Variants in USP40 observed in about 807,000 individuals in gnomAD.
USP40 encodes the protein ubiquitin specific peptidase 40.
In USP40, 143 loss-of-function variants were observed where a neutral mutation model predicts 166.2. The observed-to-expected ratio is 0.86, with a 90% confidence interval of 0.75 to 0.99. The LOEUF (loss-of-function observed/expected upper bound fraction) is 0.99, where lower values mean the gene tolerates loss of function less well. USP40 is among the 50% of genes least tolerant of loss of function. The pLI, the probability that USP40 is intolerant of heterozygous loss-of-function variation, is 0.00. For missense variants in USP40, 1,444 were observed against 1,479.7 expected (o/e 0.98, Z 0.40); for synonymous variants, 498 against 524.0 (o/e 0.95, Z 0.68).
intron 18 of USP40, among the ~76,000 whole-genome samples, chr2:233,515,537 T>C (rs1022547722): frequency 6.6e-6 from 1 of 152,170 alleles, no homozygotes; most frequent in Non-Finnish European, 1.5e-5. Context: ...CTGTTCAAGA[T>C]TCTAAACCTG....
chr2:233,490,160 C>CA (rs1253405812), intron 26 of USP40, among the ~76,000 whole-genome samples: 10 of 131,680 alleles, frequency 7.6e-5, no homozygotes, highest in Admixed American at 7.0e-4. Context: ...TTCTTTTCTC[C>CA]TTTTTTTTTT....
chr2:233,498,471 A>G (rs1168196643), intron 23 of USP40, 77 bp downstream of exon 23: 2 of 1,282,390 alleles, frequency 1.6e-6, no homozygotes, highest in East Asian at 2.4e-5. Context: ...CTTTCTCATG[A>G]GTGGAATGGG....
At chr2:233,508,168 T>C (rs1020308241) in intron 21 of USP40, among the ~76,000 whole-genome samples, 2 of 152,178 alleles carry the variant, frequency 1.3e-5, no homozygotes, top group Non-Finnish European at 2.9e-5. Flanking sequence ...AAGATATTTT[T>C]AAAAACCTAA....
chr2:233,491,473 C>T (rs2065333955), intron 25 of USP40: 2 of 572,168 alleles, frequency 3.5e-6, no homozygotes, highest in African/African-American at 3.8e-5. Flanking sequence ...ACACTTATGC[C>T]CCTACCTTGA....
At chr2:233,526,161 AT>A (rs2068010248) in intron 13 of USP40, among the ~76,000 whole-genome samples, 1 of 152,174 alleles carries the variant, frequency 6.6e-6, no homozygotes. Flanking sequence ...ACCATAAGGT[AT>A]TTTCTTAAAA....
chr2:233,520,856 G>A (rs1181389092), intron 17 of USP40, 135 bp downstream of exon 17: 1 of 941,204 alleles, frequency 1.1e-6, no homozygotes, highest in African/African-American at 1.7e-5. Context: ...ATAATCAAAT[G>A]TTAAATAAAA....
At chr2:233,509,918 T>A in intron 21 of USP40, 131 bp downstream of exon 21, 1 of 620,958 alleles carries the variant, frequency 1.6e-6, no homozygotes, top group Admixed American at 3.0e-5. Flanking sequence ...AGTGAGTACA[T>A]ATAATTCTCT....
chr2:233,530,360 T>C (rs1403349386), intron 11 of USP40, among the ~76,000 whole-genome samples: 1 of 152,190 alleles, frequency 6.6e-6, no homozygotes, highest in African/African-American at 2.4e-5. Flanking sequence ...ATAAGGAGCA[T>C]AATTAACCTA....
At chr2:233,492,562 C>G in intron 25 of USP40, 1 of 152,216 alleles carries the variant, frequency 6.6e-6, no homozygotes, top group Non-Finnish European at 1.5e-5. Flanking sequence ...ACATGAACTA[C>G]TGTAACCCAA....
At chr2:233,477,540 G>GAGCTGCCTTC (rs756254656) in intron 31 of USP40, 37 bp from the exon 32 acceptor site, 2 of 1,567,958 alleles carry the variant, frequency 1.3e-6, no homozygotes, top group South Asian at 1.1e-5. Flanking sequence ...ACTCATGGAT[G>GAGCTGCCTTC]CAGTGGGTGT....
At chr2:233,479,646 T>TG (rs2064428959) in intron 31 of USP40, among the ~76,000 whole-genome samples, 1 of 151,694 alleles carries the variant, frequency 6.6e-6, no homozygotes, top group Non-Finnish European at 1.5e-5. Flanking sequence ...TGTGTGTGTG[T>TG]GTGTGTGTGT....
chr2:233,502,993 T>C (rs1017151689), intron 21 of USP40, among the ~76,000 whole-genome samples: 4 of 152,160 alleles, frequency 2.6e-5, no homozygotes, highest in African/African-American at 9.7e-5. Context: ...GATGATATTC[T>C]GAAAGGAACA....
At chr2:233,534,620 A>T (rs1374625487) in intron 10 of USP40, among the ~76,000 whole-genome samples, 1 of 152,226 alleles carries the variant, frequency 6.6e-6, no homozygotes, top group Non-Finnish European at 1.5e-5. Context: ...CAACAAACAG[A>T]AGAGTGTAGG....
intron 17 of USP40, among the ~76,000 whole-genome samples, 160 bp from the exon 18 acceptor site, chr2:233,519,831 T>C (rs1168220706): frequency 2.0e-5 from 3 of 152,186 alleles, no homozygotes; most frequent in African/African-American, 7.2e-5. Context: ...GAAATCCTTT[T>C]ATAAGATCAA....
At chr2:233,525,125 G>A (rs1327861499) in intron 14 of USP40, among the ~76,000 whole-genome samples, 1 of 152,140 alleles carries the variant, frequency 6.6e-6, no homozygotes, top group East Asian at 1.9e-4. Flanking sequence ...TGAGAACTGG[G>A]CAGAAAATCA....
In USP40 at chr2:233,525,592, T is replaced by C. The variant is rs1445742369; in HGVS notation, c.1726-30A>G. The C allele has an allele frequency of 3.2e-6, 5 of 1,548,336 alleles. No individual in the cohort carries two copies. In the South Asian group the frequency reaches 3.4e-5, roughly 10 times the overall value. On this transcript the variant is annotated intron_variant, in intron 13 of 31. Coordinates refer to ENST00000678225, the MANE Select transcript of USP40 (RefSeq NM_001365479.2). ...AGAATATTAATGAAGGAAAAGAGAA[T>C]GTTGAAAAGTGACATATACATATCA...
At chr2:233,495,462 G>T (rs569914722) in intron 24 of USP40, among the ~76,000 whole-genome samples, 1 of 151,200 alleles carries the variant, frequency 6.6e-6, no homozygotes, top group African/African-American at 2.4e-5. Flanking sequence ...TCACCATGTT[G>T]CCAAGGCTGG....
intron 21 of USP40, among the ~76,000 whole-genome samples, chr2:233,501,052 A>T (rs1417171836): frequency 6.6e-6 from 1 of 152,224 alleles, no homozygotes; most frequent in Non-Finnish European, 1.5e-5. Context: ...TTAAAATATA[A>T]TTATAGATTG....
chr2:233,542,707 A>G (rs908951212), intron 8 of USP40: 3 of 166,888 alleles, frequency 1.8e-5, no homozygotes, highest in African/African-American at 7.1e-5. Flanking sequence ...AGATGATGAA[A>G]TGGTGGTAAA....
Sources: gnomAD v4.1 joint callset for allele counts (sites outside exome capture counted in the v4.1 genomes callset) on GRCh38, gnomAD v4.1.1 for gene constraint, MANE v1.5 for transcripts, NCBI Gene and HGNC (gene_info 2026-07-23, HGNC 2026-07-21) for gene names.